Variants in PAN3 observed in about 807,000 individuals in gnomAD.
PAN3 encodes the protein poly(A) specific ribonuclease subunit PAN3, also known as PAN2-PAN3 deadenylation complex subunit PAN3.
PAN3 carries 19 observed loss-of-function variants against 96.2 expected under a neutral mutation model. The observed-to-expected ratio is 0.20, with a 90% CI of 0.14 to 0.29. The LOEUF is 0.29. Ranked by LOEUF, PAN3 falls within the 10% of genes least tolerant of loss-of-function variation. PAN3 has a pLI of 1.00. For synonymous variants in PAN3, 433 were observed against 406.6 expected, an observed-to-expected ratio of 1.06 and a Z score of -0.78; for missense variants, 882 against 1,108.1, an observed-to-expected ratio of 0.80 and a Z score of 2.90.
chr13:28,204,732 G>A (rs528485185), intron 5 of PAN3, among the ~76,000 whole-genome samples: 2 of 152,232 alleles, frequency 1.3e-5, no homozygotes, highest in African/African-American at 4.8e-5. Flanking sequence ...GTATGATTTT[G>A]TAAATTTCTC....
At chr13:28,225,056 TAAATC>T (rs1351619081) in intron 6 of PAN3, among the ~76,000 whole-genome samples, 3 of 152,188 alleles carry the variant, frequency 2.0e-5, no homozygotes, top group African/African-American at 4.8e-5. Context: ...TTTGGGAAAA[TAAATC>T]CAAAGAAAAT....
chr13:28,270,788 C>T lies in PAN3; in HGVS notation c.1880C>T (p.Ala627Val). ...GCATATATTGTCCAACTAAGTTCTG[C>T]ATTGCGTACCATTCATACAGCAGGT... ...IWAYIVQLSS[A>V]LRTIHTAGLA... is the part of the protein sequence containing the mutation. The change falls in exon 13 of 19, where the codon GCA (alanine) becomes GTA (valine). Residue 627 changes from alanine to valine, a missense_variant. By Grantham distance (64) the Ala-to-Val change is moderately conservative. This residue lies in a region of PAN3 where 364 missense variants were observed against 513.6 expected (regional missense o/e 0.71). Transcript: ENST00000380958. 6.2e-7 allele frequency: 1 copy of T among 1,613,944 alleles called. No homozygotes were observed. Among genetic ancestry groups the T allele is most frequent in the Non-Finnish European group, 8.5e-7 (1 of 1,179,850 alleles).
intron 12 of PAN3, 27 bp from the exon 13 acceptor site, chr13:28,270,674 C>T (rs45529534): frequency 6.3e-7 from 1 of 1,595,154 alleles, no homozygotes; most frequent in South Asian, 1.1e-5. Context: ...CTTAAGATGT[C>T]ATTTTTTGGA....
intron 6 of PAN3, among the ~76,000 whole-genome samples, chr13:28,220,752 C>G (rs1881318107): frequency 6.6e-6 from 1 of 152,052 alleles, no homozygotes; most frequent in South Asian, 2.1e-4. Context: ...CCTCAGAGTC[C>G]TCCTTTTACA....
intron 5 of PAN3, among the ~76,000 whole-genome samples, chr13:28,210,163 T>C (rs1879863440): frequency 6.6e-6 from 1 of 152,200 alleles, no homozygotes; most frequent in Admixed American, 6.5e-5. Context: ...TATAGTATTA[T>C]CCATTTCTGG....
At chr13:28,221,628 C>T (rs1268318462) in intron 6 of PAN3, among the ~76,000 whole-genome samples, 1 of 152,010 alleles carries the variant, frequency 6.6e-6, no homozygotes, top group East Asian at 1.9e-4. Context: ...TTTGTCAGCG[C>T]CTCATTTCCC....
At chr13:28,185,905 G>A (rs1876402691) in intron 4 of PAN3, among the ~76,000 whole-genome samples, 2 of 152,154 alleles carry the variant, frequency 1.3e-5, no homozygotes, top group South Asian at 4.1e-4. Flanking sequence ...GATATTTAGG[G>A]GCCTAGCATT....
chr13:28,265,611 A>C (rs1886095366), intron 9 of PAN3, among the ~76,000 whole-genome samples: 2 of 152,244 alleles, frequency 1.3e-5, no homozygotes, highest in South Asian at 4.1e-4. Context: ...TGGCAAATGC[A>C]GAGGAAGGAT....
chr13:28,275,279 T>C (rs1192698806), intron 14 of PAN3, among the ~76,000 whole-genome samples: 1 of 152,230 alleles, frequency 6.6e-6, no homozygotes, highest in Non-Finnish European at 1.5e-5. Flanking sequence ...TGAGTCCGCT[T>C]TAGAGAGGTG....
intron 7 of PAN3, among the ~76,000 whole-genome samples, chr13:28,259,787 C>T (rs1031289188): frequency 5.9e-5 from 9 of 151,826 alleles, no homozygotes; most frequent in South Asian, 2.1e-4. Flanking sequence ...TACAGGCTTG[C>T]GCCACCATGC....
intron 4 of PAN3, among the ~76,000 whole-genome samples, chr13:28,196,208 T>G (rs1878038099): frequency 1.3e-5 from 2 of 152,186 alleles, no homozygotes; most frequent in African/African-American, 4.8e-5. Flanking sequence ...TTCAGCAGTC[T>G]TATACCTCAT....
At chr13:28,244,699 GTTTTTGTT>G (rs1364043040) in intron 6 of PAN3, among the ~76,000 whole-genome samples, 7 of 151,244 alleles carry the variant, frequency 4.6e-5, no homozygotes, top group African/African-American at 1.7e-4. Context: ...CTTTTATCTT[GTTTTTGTT>G]TTTTTCTTTT....
chr13:28,282,576 C>G (rs1466714404), intron 17 of PAN3, among the ~76,000 whole-genome samples: 1 of 152,222 alleles, frequency 6.6e-6, no homozygotes, highest in Non-Finnish European at 1.5e-5. Flanking sequence ...GACTCATCCT[C>G]TTCCCTACAC....
In PAN3 at chr13:28,215,437, T is replaced by C. The variant is rs539275330; in HGVS notation, c.853-4794T>C. 4.5e-5 allele frequency: 32 copies of C among 703,382 alleles called. 1 individual carries two copies. The South Asian group carries it at 5.0e-4, about 11-fold the overall frequency. The allele number at this position is 703,382 out of a possible 1,614,324, so 43.6% of individuals were successfully genotyped here. A position where few individuals can be genotyped will look rare whatever the true frequency, so the allele number is the denominator to read the frequency against. On this transcript the variant is annotated intron_variant, in intron 5 of 18. Coordinates refer to ENST00000380958, the MANE Select transcript of PAN3 (RefSeq NM_175854.8). ...AGCTCTTCTTGGAGACATTATGGGCTTCAATGTTATGAATGTGTCTGTCAA... is the reference window on the plus strand; with the variant it reads ...AGCTCTTCTTGGAGACATTATGGGCCTCAATGTTATGAATGTGTCTGTCAA...
At chr13:28,187,561 A>C (rs1204792575) in intron 4 of PAN3, among the ~76,000 whole-genome samples, 2 of 152,186 alleles carry the variant, frequency 1.3e-5, no homozygotes, top group African/African-American at 4.8e-5. Context: ...TTTTAAGAAC[A>C]TAAGTAAAGA....
intron 6 of PAN3, among the ~76,000 whole-genome samples, chr13:28,248,047 G>A (rs1299211272): frequency 6.6e-6 from 1 of 152,092 alleles, no homozygotes; most frequent in East Asian, 1.9e-4. Context: ...TCCAATTCAT[G>A]AGCATGGGAT....
intron 1 of PAN3, among the ~76,000 whole-genome samples, chr13:28,152,944 G>A (rs1374532973): frequency 6.6e-6 from 1 of 152,070 alleles, no homozygotes; most frequent in Non-Finnish European, 1.5e-5. Flanking sequence ...CTGGTATGAC[G>A]CTTTTCGAGG....
At position 28,196,353 on chromosome 13, in the gene PAN3, G is replaced by T. The variant is rs77456394; in HGVS notation, c.691-832G>T. Among the ~76,000 whole-genome samples, 1,419 of 152,200 alleles carry T rather than the reference G, an allele frequency of 9.3e-3. 78 individuals carry two copies. The highest frequency in any genetic ancestry group is 0.076 in the Admixed American group (1,159 of 15,292). ...TTAAGATGCAGTCTAGTGCAAATTTGCTGTAATTAAGAGAAGTGAGATAGT... is the reference window on the plus strand; with the variant it reads ...TTAAGATGCAGTCTAGTGCAAATTTTCTGTAATTAAGAGAAGTGAGATAGT... On this transcript the variant is annotated intron_variant, in intron 4 of 18. Coordinates refer to ENST00000380958, the MANE Select transcript of PAN3 (RefSeq NM_175854.8).
intron 4 of PAN3, among the ~76,000 whole-genome samples, chr13:28,180,252 C>G (rs1356059470): frequency 6.6e-6 from 1 of 152,092 alleles, no homozygotes; most frequent in Non-Finnish European, 1.5e-5. Flanking sequence ...CAGTTTCTAC[C>G]TAGAAATTTG....
Sources: allele counts gnomAD v4.1 joint callset (sites outside exome capture counted in the v4.1 genomes callset), GRCh38; gene constraint gnomAD v4.1.1; regional missense constraint gnomAD v4.1.1; transcripts MANE v1.5; gene names NCBI Gene and HGNC (gene_info 2026-07-23, HGNC 2026-07-21).